The following LRBA variants were observed in gnomAD, a reference collection of about 807,000 sequenced individuals.
LRBA encodes the protein LPS responsive beige-like anchor protein.
In LRBA, 176 loss-of-function variants were observed where a neutral mutation model predicts 330.0. The ratio of observed to expected loss-of-function variants is 0.53; its 90% confidence interval spans 0.47 to 0.60. The LOEUF (loss-of-function observed/expected upper bound fraction) is 0.60, where lower values mean the gene tolerates loss of function less well. LRBA is among the 20% of genes least tolerant of loss of function. The probability of loss-of-function intolerance (pLI) is 0.00; values close to 1 mark genes in which losing one functional copy is unlikely to be tolerated. For missense variants in LRBA, 3,259 were observed against 3,444.8 expected (o/e 0.95, Z 1.35); for synonymous variants, 1,230 against 1,193.0 (o/e 1.03, Z -0.64).
chr4:150,612,728 A>AT (rs1376670967), intron 37 of LRBA, among the ~76,000 whole-genome samples: 3 of 152,202 alleles, frequency 2.0e-5, no homozygotes, highest in Non-Finnish European at 4.4e-5. Context: ...AGAAATACTC[A>AT]TATGAAGAAA....
In LRBA at chr4:150,850,935, G is replaced by T. The variant is rs777943543; in HGVS notation, c.3826-33C>A. Reference sequence around the variant, plus strand: ...AGAAATTTAAAAAGTAATAAAATAGGTTCAACTTCAGCAGGAGGCTTTAGC... The same window carrying T: ...AGAAATTTAAAAAGTAATAAAATAGTTTCAACTTCAGCAGGAGGCTTTAGC... On this transcript the variant is annotated intron_variant, in intron 23 of 56. Transcript: ENST00000651943. 2.5e-5 allele frequency: 38 copies of T among 1,506,724 alleles called. No individual in the cohort carries two copies. The Admixed American group carries it at 7.0e-4, about 28-fold the overall frequency. 93.3% of individuals were successfully genotyped at this position (1,506,724 alleles called of 1,614,324 possible). A position where few individuals can be genotyped will look rare whatever the true frequency, so the allele number is the denominator to read the frequency against.
At chr4:150,858,294 CTG>C in intron 22 of LRBA, among the ~76,000 whole-genome samples, 1 of 152,028 alleles carries the variant, frequency 6.6e-6, no homozygotes, top group Non-Finnish European at 1.5e-5. Context: ...GAGTATGAAG[CTG>C]TAGTGTGTTA....
intron 52 of LRBA, among the ~76,000 whole-genome samples, chr4:150,309,143 T>C (rs535284804): frequency 6.6e-6 from 1 of 152,320 alleles, no homozygotes; most frequent in African/African-American, 2.4e-5. Flanking sequence ...GACAATGGAA[T>C]GGTTTTTATC....
At chr4:150,905,266 T>C (rs1354533124) in intron 13 of LRBA, among the ~76,000 whole-genome samples, 3 of 152,054 alleles carry the variant, frequency 2.0e-5, no homozygotes, top group Non-Finnish European at 2.9e-5. Flanking sequence ...ACGAGACTAG[T>C]ATATCATGCC....
chr4:150,376,962 C>T (rs552240843), intron 47 of LRBA, among the ~76,000 whole-genome samples: 15 of 151,726 alleles, frequency 9.9e-5, no homozygotes, highest in Non-Finnish European at 1.9e-4. Flanking sequence ...GGGAAAAGGT[C>T]GGGGTGGGAG....
intron 41 of LRBA, among the ~76,000 whole-genome samples, chr4:150,489,113 C>CATATATAATATATAAGACTATATA (rs1758325749): frequency 2.5e-5 from 1 of 40,342 alleles, no homozygotes; most frequent in Non-Finnish European, 4.0e-5. Context: ...TATTATATAT[C>CATATATAATATATAAGACTATATA]ATATATAATA....
At chr4:150,755,843 G>A (rs1734213493) in intron 35 of LRBA, among the ~76,000 whole-genome samples, 2 of 151,456 alleles carry the variant, frequency 1.3e-5, no homozygotes, top group Admixed American at 1.3e-4. Context: ...TTCAAGACTA[G>A]CCTGGGCAAC....
chr4:150,872,695 T>C lies in LRBA; in HGVS notation c.2226A>G (p.Ala742=), dbSNP rs1161970717. The change falls in exon 18 of 57, where the codon GCA becomes GCG. Residue 742 remains alanine, a synonymous_variant. Coordinates refer to ENST00000651943, the MANE Select transcript of LRBA (RefSeq NM_001364905.1). The stretch of plus-strand genomic sequence containing the variant: ...CCAGATGTTTTAAAAAATAACCCAT[T>C]GCCTTAAGAGCTTGTACCCTGATTC... ...SEGIRVQALK[A]MGYFLKHLAP... is the part of the protein sequence containing the mutation. The C allele has an allele frequency of 5.6e-6, 9 of 1,610,410 alleles. No homozygotes were observed. The East Asian group carries it at 2.0e-4, about 36-fold the overall frequency.
intron 4 of LRBA, among the ~76,000 whole-genome samples, chr4:150,925,164 TAAA>T (rs10718196): frequency 1.5e-4 from 22 of 143,924 alleles, no homozygotes; most frequent in Non-Finnish European, 1.5e-4. Context: ...ACCCTGTCTT[TAAA>T]AAAAAAAAAA....
chr4:150,392,917 G>T (rs534922854), intron 47 of LRBA, among the ~76,000 whole-genome samples: 1 of 151,796 alleles, frequency 6.6e-6, no homozygotes, highest in Admixed American at 6.6e-5. Flanking sequence ...TTAAAACCTA[G>T]ATGACGGGTT....
chr4:150,481,548 C>G (rs995403950), intron 42 of LRBA, among the ~76,000 whole-genome samples: 4 of 152,060 alleles, frequency 2.6e-5, no homozygotes, highest in African/African-American at 9.7e-5. Context: ...CCTCATAACC[C>G]TCTGCAGCTA....
chr4:150,662,753 G>A (rs1379976130), intron 37 of LRBA, among the ~76,000 whole-genome samples: 1 of 152,100 alleles, frequency 6.6e-6, no homozygotes, highest in African/African-American at 2.4e-5. Context: ...GCCTGCTTCA[G>A]GCCTGGAGTT....
intron 46 of LRBA, among the ~76,000 whole-genome samples, chr4:150,433,942 A>G (rs1006534185): frequency 6.6e-6 from 1 of 152,144 alleles, no homozygotes; most frequent in African/African-American, 2.4e-5. Context: ...CTTCTTTAAT[A>G]AAGTATCTTT....
chr4:150,877,436 G>C (rs1206995135), intron 17 of LRBA, among the ~76,000 whole-genome samples: 1 of 152,050 alleles, frequency 6.6e-6, no homozygotes, highest in Non-Finnish European at 1.5e-5. Context: ...GACAAAAAAT[G>C]GCATTGCATA....
intron 34 of LRBA, among the ~76,000 whole-genome samples, chr4:150,775,636 C>T (rs1457929204): frequency 6.6e-6 from 1 of 151,856 alleles, no homozygotes; most frequent in East Asian, 1.9e-4. Flanking sequence ...ACTCTAGGTG[C>T]TATATTTCCA....
In LRBA at chr4:150,473,641, C is replaced by T. The variant is rs115500135; in HGVS notation, c.6552-1902G>A. ...TGGTTCTCTGTCCTTCACTTCTTACCCCATCCCTCTCTCCTTAGGCCTTCA... is the reference window on the plus strand; with the variant it reads ...TGGTTCTCTGTCCTTCACTTCTTACTCCATCCCTCTCTCCTTAGGCCTTCA... On this transcript the variant is annotated intron_variant, in intron 42 of 56. Transcript: ENST00000651943. Among the ~76,000 whole-genome samples, 433 of 152,162 alleles carry T rather than the reference C, an allele frequency of 2.8e-3. 2 individuals are homozygous for T. Among genetic ancestry groups the T allele is most frequent in the Non-Finnish European group, 4.8e-3 (329 of 68,002 alleles).
At chr4:150,663,388 G>A (rs1781294708) in intron 37 of LRBA, among the ~76,000 whole-genome samples, 1 of 152,010 alleles carries the variant, frequency 6.6e-6, no homozygotes, top group African/African-American at 2.4e-5. Flanking sequence ...GACAGAAGGT[G>A]CACAAAAGAG....
intron 50 of LRBA, 112 bp from the exon 51 acceptor site, chr4:150,315,735 A>G: frequency 1.4e-6 from 1 of 692,974 alleles, no homozygotes; most frequent in Non-Finnish European, 2.3e-6. Flanking sequence ...TAAATCTTTC[A>G]TGCAGTTTTG....
intron 48 of LRBA, among the ~76,000 whole-genome samples, chr4:150,340,278 A>G (rs1018184795): frequency 2.0e-5 from 3 of 152,170 alleles, no homozygotes; most frequent in African/African-American, 7.2e-5. Flanking sequence ...ACACTTGGTC[A>G]ATTATTACTT....
Sources: gnomAD v4.1 joint callset for allele counts (sites outside exome capture counted in the v4.1 genomes callset) on GRCh38, gnomAD v4.1.1 for gene constraint, MANE v1.5 for transcripts, NCBI Gene and HGNC (gene_info 2026-07-23, HGNC 2026-07-21) for gene names.